Variants in CHN2 observed in about 807,000 individuals in gnomAD.
CHN2 encodes beta-chimaerin.
In CHN2, 35 loss-of-function variants were observed where a neutral mutation model predicts 56.3. The ratio of observed to expected loss-of-function variants is 0.62; its 90% CI spans 0.47 to 0.82. The LOEUF is 0.82. CHN2 is among the 40% of genes least tolerant of loss of function. The pLI is 0.00. For missense variants in CHN2, 491 were observed against 580.5 expected (o/e 0.85, Z 1.58); for synonymous variants, 210 against 212.8 (o/e 0.99, Z 0.12).
chr7:29,277,193 T>C (rs958010695), intron 1 of CHN2, among the ~76,000 whole-genome samples: 1 of 152,202 alleles, frequency 6.6e-6, no homozygotes, highest in Non-Finnish European at 1.5e-5. Context: ...GATCATTAGC[T>C]GAGCAAGGAG....
chr7:29,171,577 C>T (rs1219836657), intron 2 of CHN2, among the ~76,000 whole-genome samples: 1 of 152,098 alleles, frequency 6.6e-6, no homozygotes, highest in Non-Finnish European at 1.5e-5. Flanking sequence ...AGACTTTTAA[C>T]GTGGACCGGA....
chr7:29,510,734 G>A (rs904855951), intron 12 of CHN2, among the ~76,000 whole-genome samples: 1 of 152,016 alleles, frequency 6.6e-6, no homozygotes, highest in Non-Finnish European at 1.5e-5. Flanking sequence ...CTTTTACCGT[G>A]TTTTATCTGT....
chr7:29,352,654 C>G (rs1380868611), intron 1 of CHN2, among the ~76,000 whole-genome samples: 2 of 152,004 alleles, frequency 1.3e-5, no homozygotes, highest in Non-Finnish European at 2.9e-5. Flanking sequence ...ACCTAGGAGG[C>G]AGAGGTTGCA....
At chr7:29,487,952 T>C (rs6462144) in intron 7 of CHN2, among the ~76,000 whole-genome samples, 22,153 of 152,232 alleles carry the variant, frequency 0.15, 1,821 homozygotes, top group Middle Eastern at 0.19. Flanking sequence ...TGGGTGTCGA[T>C]GTGCTCATAA....
chr7:29,328,389 T>C (rs1795966827), intron 1 of CHN2, among the ~76,000 whole-genome samples: 1 of 152,126 alleles, frequency 6.6e-6, no homozygotes, highest in Non-Finnish European at 1.5e-5. Flanking sequence ...CAAAAAAGAC[T>C]GAGATGAAGA....
rs1274486564 is a variant in CHN2, at chr7:29,400,737, T to C, written c.485T>C (p.Leu162Pro). The change falls in exon 6 of 13, where the codon CTC (leucine) becomes CCC (proline). Residue 162 changes from leucine to proline, a missense_variant. Transcript: ENST00000222792. Reference sequence around the variant, plus strand: ...GAACACATTGGATATGCCACCCTACTCAGAGAAAAAGTATCCAGAAGGCTG... The same window carrying C: ...GAACACATTGGATATGCCACCCTACCCAGAGAAAAAGTATCCAGAAGGCTG... ...IYEHIGYATL[L>P]REKVSRRLSR... 1 of 1,614,036 alleles carries C rather than the reference T, an allele frequency of 6.2e-7. No individual in the cohort carries two copies. The highest frequency in any genetic ancestry group is 8.5e-7 in the Non-Finnish European group (1 of 1,180,010).
At chr7:29,303,358 G>C (rs781079199) in intron 1 of CHN2, among the ~76,000 whole-genome samples, 10 of 152,300 alleles carry the variant, frequency 6.6e-5, no homozygotes, top group Non-Finnish European at 1.3e-4. Context: ...GTGATGTGCT[G>C]GGGCACTAGG....
At chr7:29,263,405 T>G (rs978808968) in intron 1 of CHN2, among the ~76,000 whole-genome samples, 23 of 152,152 alleles carry the variant, frequency 1.5e-4, no homozygotes, top group Non-Finnish European at 3.2e-4. Flanking sequence ...CCGCCTGCCT[T>G]GGCCTCCCAA....
intron 12 of CHN2, among the ~76,000 whole-genome samples, chr7:29,510,298 T>C (rs1348399910): frequency 6.6e-6 from 1 of 152,114 alleles, no homozygotes; most frequent in East Asian, 1.9e-4. Context: ...CAGTCTTATC[T>C]GAAGGCTTGA....
rs245919 is a variant in CHN2 at position 29,184,928 on chromosome 7, C to A, written c.274+37968C>A. On this transcript the variant is annotated intron_variant, in intron 2 of 6. Coordinates refer to the CHN2 transcript ENST00000439384. ...GTGGATAAGGACAAAAATCTTTGGGCATAAAGAGTCAGCTAAAATACTTTC... is the reference window on the plus strand; with the variant it reads ...GTGGATAAGGACAAAAATCTTTGGGAATAAAGAGTCAGCTAAAATACTTTC... Among the ~76,000 whole-genome samples, 6 of 152,068 alleles carry A rather than the reference C, an allele frequency of 3.9e-5. No individual in the cohort carries two copies. In the South Asian group the frequency reaches 1.0e-3, roughly 26 times the overall value.
At chr7:29,438,098 G>T (rs1783375163) in intron 6 of CHN2, among the ~76,000 whole-genome samples, 1 of 152,166 alleles carries the variant, frequency 6.6e-6, no homozygotes, top group Non-Finnish European at 1.5e-5. Context: ...GTCTGTCATG[G>T]ATACTGGTGG....
At chr7:29,320,868 A>G (rs950965891) in intron 1 of CHN2, among the ~76,000 whole-genome samples, 1 of 152,162 alleles carries the variant, frequency 6.6e-6, no homozygotes, top group Admixed American at 6.5e-5. Flanking sequence ...TGCAAAGGTG[A>G]ATCTGCTGCA....
upstream of CHN2, among the ~76,000 whole-genome samples, chr7:29,191,349 AAG>A (rs1175894294): frequency 6.6e-6 from 1 of 152,228 alleles, no homozygotes; most frequent in Non-Finnish European, 1.5e-5. Flanking sequence ...CCAACAGAAG[AAG>A]AGTTATTTTC....
chr7:29,294,881 C>A (rs949601854), intron 1 of CHN2, among the ~76,000 whole-genome samples: 3 of 152,126 alleles, frequency 2.0e-5, no homozygotes, highest in Admixed American at 6.5e-5. Context: ...GTGTGTGAAG[C>A]CTTCCCAGAC....
chr7:29,491,863 A>G (rs1421289693), intron 7 of CHN2, among the ~76,000 whole-genome samples: 1 of 152,032 alleles, frequency 6.6e-6, no homozygotes, highest in East Asian at 1.9e-4. Flanking sequence ...TCCCCTTCAA[A>G]CTTCCATGTC....
At chr7:29,504,896 T>A in intron 10 of CHN2, 75 bp downstream of exon 10, 2 of 1,027,310 alleles carry the variant, frequency 1.9e-6, no homozygotes, top group Non-Finnish European at 3.0e-6. Flanking sequence ...TTAATCATAG[T>A]AGAAATGGGG....
At chr7:29,273,335 ATATATGTG>A (rs1482926255) in intron 1 of CHN2, among the ~76,000 whole-genome samples, 16 of 86,500 alleles carry the variant, frequency 1.8e-4, no homozygotes, top group African/African-American at 1.1e-3. Context: ...GCATATATAT[ATATATGTG>A]TATATATATA....
chr7:29,168,123 A>T (rs1481003700), intron 2 of CHN2, among the ~76,000 whole-genome samples: 1 of 152,168 alleles, frequency 6.6e-6, no homozygotes, highest in Non-Finnish European at 1.5e-5. Flanking sequence ...AGAATATCTC[A>T]TTGTGGTTTT....
chr7:29,308,039 A>G (rs1794304023), intron 1 of CHN2, among the ~76,000 whole-genome samples: 1 of 152,236 alleles, frequency 6.6e-6, no homozygotes, highest in Non-Finnish European at 1.5e-5. Flanking sequence ...TAAATCAGCT[A>G]ATAGTGTCTA....
Sources: allele counts gnomAD v4.1 joint callset (sites outside exome capture counted in the v4.1 genomes callset), GRCh38; gene constraint gnomAD v4.1.1; transcripts MANE v1.5; gene names NCBI Gene and HGNC (gene_info 2026-07-23, HGNC 2026-07-21).